ARHGAP15: variants seen among roughly 807,000 people sequenced by gnomAD.
ARHGAP15 encodes the protein Rho GTPase activating protein 15.
In ARHGAP15, 51 loss-of-function variants were observed where a neutral mutation model predicts 63.7. That is an observed-to-expected ratio of 0.80 (90% CI 0.64 to 1.01). The LOEUF (loss-of-function observed/expected upper bound fraction) is 1.01. Ranked by LOEUF, ARHGAP15 falls within the 50% of genes least tolerant of loss-of-function variation. ARHGAP15 has a pLI of 0.00. For synonymous variants in ARHGAP15, 191 were observed against 193.8 expected (o/e 0.99, Z 0.12); for missense variants, 560 against 564.6 (o/e 0.99, Z 0.08).
intron 10 of ARHGAP15, among the ~76,000 whole-genome samples, chr2:143,539,474 G>T (rs578229272): frequency 2.2e-3 from 338 of 151,718 alleles, no homozygotes; most frequent in Non-Finnish European, 3.7e-3. Flanking sequence ...GTGATGTTAG[G>T]GTGTCAATTT....
In ARHGAP15 at chr2:143,626,714, T is replaced by C. The variant is rs1407759852; in HGVS notation, c.1138+2447T>C. Reference sequence around the variant, plus strand: ...CTGATTGGTGCATTTTACAGAGCACTGGTTGGTGCATTTACAATCCCCCTG... The same window carrying C: ...CTGATTGGTGCATTTTACAGAGCACCGGTTGGTGCATTTACAATCCCCCTG... On this transcript the variant is annotated intron_variant, in intron 12 of 13. Coordinates refer to ENST00000295095, the MANE Select transcript of ARHGAP15 (RefSeq NM_018460.4). Among the ~76,000 whole-genome samples, 3 of 152,250 alleles carry C rather than the reference T, an allele frequency of 2.0e-5. No individual in the cohort carries two copies. In the South Asian group the frequency reaches 6.2e-4, roughly 32 times the overall value.
At chr2:143,491,050 G>A (rs1692561290) in intron 9 of ARHGAP15, among the ~76,000 whole-genome samples, 1 of 152,210 alleles carries the variant, frequency 6.6e-6, no homozygotes, top group South Asian at 2.1e-4. Context: ...GCTCAGGTGG[G>A]TGTAGCAAAC....
chr2:143,689,992 T>C (rs943692817), intron 12 of ARHGAP15, among the ~76,000 whole-genome samples: 15 of 152,216 alleles, frequency 9.9e-5, no homozygotes, highest in African/African-American at 2.9e-4. Context: ...AAGGGAAGCA[T>C]TCACACTACT....
At chr2:143,308,015 C>G (rs905978650) in intron 6 of ARHGAP15, among the ~76,000 whole-genome samples, 1 of 152,042 alleles carries the variant, frequency 6.6e-6, no homozygotes, top group African/African-American at 2.4e-5. Flanking sequence ...CCTCTTTCCT[C>G]AAACATTTAA....
At chr2:143,559,904 A>G (rs1028274744) in intron 11 of ARHGAP15, among the ~76,000 whole-genome samples, 1 of 152,222 alleles carries the variant, frequency 6.6e-6, no homozygotes, top group African/African-American at 2.4e-5. Context: ...TTGTATTAAC[A>G]TATTTTATTC....
At chr2:143,596,700 C>G (rs1305196272) in intron 11 of ARHGAP15, among the ~76,000 whole-genome samples, 2 of 152,082 alleles carry the variant, frequency 1.3e-5, no homozygotes, top group Non-Finnish European at 2.9e-5. Context: ...TTTAAAACCA[C>G]TAAGTCAGTG....
chr2:143,717,442 C>T (rs1228154050), intron 13 of ARHGAP15, among the ~76,000 whole-genome samples: 2 of 152,220 alleles, frequency 1.3e-5, no homozygotes, highest in Admixed American at 1.3e-4. Flanking sequence ...CCAGGACAAA[C>T]CTAAGTCCTC....
At chr2:143,482,741 G>A (rs1306375498) in intron 8 of ARHGAP15, among the ~76,000 whole-genome samples, 2 of 152,208 alleles carry the variant, frequency 1.3e-5, no homozygotes, top group African/African-American at 2.4e-5. Context: ...CAGGGTCCCA[G>A]TGATGGACCT....
chr2:143,170,977 G>T (rs1452341180), intron 2 of ARHGAP15, among the ~76,000 whole-genome samples: 2 of 151,986 alleles, frequency 1.3e-5, no homozygotes, highest in Admixed American at 6.6e-5. Flanking sequence ...ACTTTAAAAG[G>T]TTTAGAATAT....
chr2:143,765,307 T>C (rs1204397688), intron 13 of ARHGAP15, among the ~76,000 whole-genome samples: 1 of 152,112 alleles, frequency 6.6e-6, no homozygotes, highest in Non-Finnish European at 1.5e-5. Flanking sequence ...TAGATGGGCA[T>C]GTTAAAGAGA....
At chr2:143,308,954 AAAGG>A (rs1424368222) in intron 6 of ARHGAP15, among the ~76,000 whole-genome samples, 1 of 141,760 alleles carries the variant, frequency 7.1e-6, no homozygotes, top group East Asian at 2.0e-4. Context: ...AAAAAAAAAA[AAAGG>A]AAGAAAATAA....
intron 13 of ARHGAP15, among the ~76,000 whole-genome samples, chr2:143,744,735 T>C (rs756516645): frequency 1.6e-4 from 25 of 152,230 alleles, no homozygotes; most frequent in Non-Finnish European, 3.7e-4. Flanking sequence ...TTTTTAATCA[T>C]TGAGAGACTA....
Position 143,416,837 on chromosome 2 carries a change from GC to G in ARHGAP15, c.475-18759del, listed in dbSNP as rs1574418410. Among the ~76,000 whole-genome samples the G allele has an allele frequency of 3.4e-3, 200 of 59,542 alleles. 8 individuals are homozygous for G. The highest frequency in any genetic ancestry group is 0.01 in the Middle Eastern group (1 of 98). 39.1% of individuals were successfully genotyped at this position (59,542 alleles called of 152,430 possible). A position where few individuals can be genotyped will look rare whatever the true frequency, so the allele number is the denominator to read the frequency against. ...TCCCCCACCACCCCCCCACCCCCAC[GC>G]CCCCACGCCCCCACGCCCCCAACAC... On this transcript the variant is annotated intron_variant, in intron 6 of 13. Transcript: ENST00000295095.
intron 2 of ARHGAP15, among the ~76,000 whole-genome samples, chr2:143,158,008 C>T (rs896925730): frequency 2.0e-5 from 3 of 151,756 alleles, no homozygotes; most frequent in Admixed American, 6.6e-5. Context: ...AGAGATCATA[C>T]ATATGTCATG....
intron 6 of ARHGAP15, among the ~76,000 whole-genome samples, chr2:143,252,142 C>G (rs762826586): frequency 6.6e-6 from 1 of 151,942 alleles, no homozygotes; most frequent in South Asian, 2.1e-4. Context: ...GCTAAGCCAG[C>G]CTTTTTCAGT....
chr2:143,548,920 C>T (rs1695443200), intron 10 of ARHGAP15, among the ~76,000 whole-genome samples: 2 of 151,862 alleles, frequency 1.3e-5, no homozygotes, highest in South Asian at 4.1e-4. Context: ...AAAACTAAAA[C>T]AACTTCAGGT....
chr2:143,183,437 A>C (rs376793987), intron 2 of ARHGAP15, among the ~76,000 whole-genome samples: 11 of 152,300 alleles, frequency 7.2e-5, no homozygotes, highest in African/African-American at 2.6e-4. Context: ...GGGTAGTGGG[A>C]ACAACAATCA....
At chr2:143,491,876 T>A (rs1219616311) in intron 9 of ARHGAP15, among the ~76,000 whole-genome samples, 1 of 152,078 alleles carries the variant, frequency 6.6e-6, no homozygotes, top group Admixed American at 6.5e-5. Context: ...TAGCTTTTTT[T>A]ATTATTATTA....
At chr2:143,705,302 C>A (rs772445076) in intron 13 of ARHGAP15, among the ~76,000 whole-genome samples, 13 of 152,064 alleles carry the variant, frequency 8.5e-5, no homozygotes, top group Non-Finnish European at 1.9e-4. Context: ...TCTTGTCACT[C>A]CCACATACTG....
Sources: gnomAD v4.1 joint callset for allele counts (sites outside exome capture counted in the v4.1 genomes callset) on GRCh38, gnomAD v4.1.1 for gene constraint, MANE v1.5 for transcripts, NCBI Gene and HGNC (gene_info 2026-07-23, HGNC 2026-07-21) for gene names.